Variants in PTPRG observed in about 807,000 individuals in gnomAD.
PTPRG encodes protein tyrosine phosphatase receptor type G, also known as receptor-type tyrosine-protein phosphatase gamma.
Under a neutral mutation model 165.3 loss-of-function variants are expected in PTPRG, and 102 were observed. That is an observed-to-expected ratio of 0.62 (90% CI 0.53 to 0.73). The LOEUF (loss-of-function observed/expected upper bound fraction) is 0.73. PTPRG is among the 30% of genes least tolerant of loss of function. PTPRG has a pLI of 0.00. For missense variants in PTPRG, 1,866 were observed against 1,861.4 expected (o/e 1.00, Z -0.05); for synonymous variants, 675 against 669.5 (o/e 1.01, Z -0.13).
At chr3:61,798,106 C>T (rs1307796554) in intron 2 of PTPRG, among the ~76,000 whole-genome samples, 1 of 152,162 alleles carries the variant, frequency 6.6e-6, no homozygotes, top group Non-Finnish European at 1.5e-5. Context: ...CATTTTAATA[C>T]AGACAATTGC....
At chr3:62,050,798 C>T (rs1283116171) in intron 4 of PTPRG, among the ~76,000 whole-genome samples, 10 of 152,140 alleles carry the variant, frequency 6.6e-5, no homozygotes, top group Admixed American at 5.9e-4. Flanking sequence ...CCTGGATGAC[C>T]TTCATTCCCA....
At chr3:61,736,056 G>T (rs2680240) in intron 1 of PTPRG, among the ~76,000 whole-genome samples, 118,623 of 151,734 alleles carry the variant, frequency 0.78, 46,440 homozygotes, top group Middle Eastern at 0.85. Flanking sequence ...TACAGGCGCA[G>T]GCCACCATGC....
intron 6 of PTPRG, among the ~76,000 whole-genome samples, chr3:62,135,234 A>G (rs1240274772): frequency 6.6e-6 from 1 of 151,358 alleles, no homozygotes; most frequent in Non-Finnish European, 1.5e-5. Flanking sequence ...TGATCATGCC[A>G]GCCTCCAGCC....
chr3:61,621,796 T>TG (rs1701464243), intron 1 of PTPRG, among the ~76,000 whole-genome samples: 1 of 152,200 alleles, frequency 6.6e-6, no homozygotes, highest in African/African-American at 2.4e-5. Flanking sequence ...AGGTGATTGG[T>TG]GGGCAAGCTG....
At chr3:62,103,553 G>C (rs1033894798) in intron 5 of PTPRG, among the ~76,000 whole-genome samples, 3 of 152,204 alleles carry the variant, frequency 2.0e-5, no homozygotes, top group Admixed American at 6.5e-5. Context: ...TTATCTTCTA[G>C]TTTGCTCCAT....
chr3:62,036,842 C>T (rs762120186), intron 4 of PTPRG, among the ~76,000 whole-genome samples: 5 of 152,278 alleles, frequency 3.3e-5, no homozygotes, highest in South Asian at 2.1e-4. Context: ...AGCAAATCAT[C>T]GGGCCCTCCA....
chr3:62,103,378 C>T lies in PTPRG; in HGVS notation c.615+25120C>T, dbSNP rs556410458. On this transcript the variant is annotated intron_variant, in intron 5 of 29. Transcript: ENST00000474889. ...GCTAAGCAGGGTTTTGCCTTCTCCT[C>T]CCACATGTCTAACTAGAATTCTTCT... Among the ~76,000 whole-genome samples the T allele has an allele frequency of 5.3e-5, 8 of 152,308 alleles. No homozygotes were observed. The East Asian group carries it at 5.8e-4, about 11-fold the overall frequency.
At chr3:61,997,180 G>C (rs866454954) in intron 3 of PTPRG, among the ~76,000 whole-genome samples, 2 of 152,162 alleles carry the variant, frequency 1.3e-5, no homozygotes, top group African/African-American at 4.8e-5. Flanking sequence ...TACTCAGCAC[G>C]TCCAGTGACT....
chr3:61,564,386 G>T (rs1379718324), intron 1 of PTPRG, among the ~76,000 whole-genome samples: 1 of 152,172 alleles, frequency 6.6e-6, no homozygotes, highest in African/African-American at 2.4e-5. Flanking sequence ...GCTGACCGTG[G>T]TTTTCTTTTC....
intron 1 of PTPRG, among the ~76,000 whole-genome samples, chr3:61,660,826 C>T (rs1702637392): frequency 6.6e-6 from 1 of 152,084 alleles, no homozygotes; most frequent in Non-Finnish European, 1.5e-5. Context: ...CATGTTGAAA[C>T]CCCATCTCTA....
rs115955040 is a variant in PTPRG, at chr3:61,810,074, T to C, written c.190+61092T>C. Among the ~76,000 whole-genome samples, 478 of 152,284 alleles carry C rather than the reference T, an allele frequency of 3.1e-3. 1 individual carries two copies. Among genetic ancestry groups the C allele is most frequent in the African/African-American group, 0.011 (460 of 41,564 alleles). Reference sequence around the variant, plus strand: ...GGAAGTGGGCTGTGCCTGCACAGCCTAAATGGCTTTTGGTCTGTGGCCAGG... The same window carrying C: ...GGAAGTGGGCTGTGCCTGCACAGCCCAAATGGCTTTTGGTCTGTGGCCAGG... On this transcript the variant is annotated intron_variant, in intron 2 of 29. Transcript: ENST00000474889.
At chr3:62,059,259 C>T (rs1378101474) in intron 4 of PTPRG, among the ~76,000 whole-genome samples, 1 of 152,158 alleles carries the variant, frequency 6.6e-6, no homozygotes, top group African/African-American at 2.4e-5. Flanking sequence ...GTGGAACTCA[C>T]AAAATTATAG....
At chr3:61,908,871 G>A (rs1357960507) in intron 2 of PTPRG, among the ~76,000 whole-genome samples, 1 of 152,098 alleles carries the variant, frequency 6.6e-6, no homozygotes, top group South Asian at 2.1e-4. Context: ...AATTTGTTGG[G>A]CCTTACATGG....
intron 1 of PTPRG, among the ~76,000 whole-genome samples, chr3:61,641,406 G>A (rs1702058164): frequency 6.6e-6 from 1 of 152,204 alleles, no homozygotes; most frequent in African/African-American, 2.4e-5. Context: ...TGGACTGCAG[G>A]AATAGTGAGT....
intron 2 of PTPRG, chr3:61,749,195 C>T: frequency 3.0e-6 from 2 of 660,592 alleles, no homozygotes; most frequent in Non-Finnish European, 5.5e-6. Flanking sequence ...CCTGTTTTCC[C>T]CTCAATTTGC....
chr3:61,967,663 A>C (rs1262856206), intron 2 of PTPRG, among the ~76,000 whole-genome samples: 2 of 152,164 alleles, frequency 1.3e-5, no homozygotes, highest in Non-Finnish European at 2.9e-5. Flanking sequence ...CATTCTTCCA[A>C]ATTTAGTGCA....
intron 2 of PTPRG, among the ~76,000 whole-genome samples, chr3:61,921,018 G>C (rs1294612634): frequency 1.3e-5 from 2 of 152,036 alleles, no homozygotes; most frequent in East Asian, 3.9e-4. Flanking sequence ...GTTACTTTGT[G>C]TCTCAGCAAA....
At chr3:61,563,281 G>T (rs1362159275) in intron 1 of PTPRG, among the ~76,000 whole-genome samples, 1 of 152,064 alleles carries the variant, frequency 6.6e-6, no homozygotes, top group African/African-American at 2.4e-5. Flanking sequence ...ACCCAGTCTC[G>T]CTCCTTTCTG....
intron 1 of PTPRG, among the ~76,000 whole-genome samples, chr3:61,635,215 G>T (rs182347501): frequency 2.2e-4 from 34 of 152,050 alleles, no homozygotes; most frequent in Admixed American, 4.6e-4. Context: ...CCAATAAAAT[G>T]AGTTGGCGAA....
Sources: gnomAD v4.1 joint callset for allele counts (sites outside exome capture counted in the v4.1 genomes callset) on GRCh38, gnomAD v4.1.1 for gene constraint, MANE v1.5 for transcripts, NCBI Gene and HGNC (gene_info 2026-07-23, HGNC 2026-07-21) for gene names.